IMPDH1: variants seen among roughly 807,000 people sequenced by gnomAD.
IMPDH1 encodes inosine monophosphate dehydrogenase 1, also known as inosine-5'-monophosphate dehydrogenase 1.
In IMPDH1, 41 loss-of-function variants were observed where a neutral mutation model predicts 73.5. The ratio of observed to expected loss-of-function variants is 0.56; its 90% CI spans 0.43 to 0.72. The LOEUF is 0.72. Among genes scored for constraint, IMPDH1 ranks in the 30% least tolerant of loss-of-function variants. The pLI is 0.00. For missense variants in IMPDH1, 645 were observed against 824.8 expected (o/e 0.78, Z 2.67); for synonymous variants, 318 against 334.3 (o/e 0.95, Z 0.53).
chr7:128,401,002 G>A lies in IMPDH1; in HGVS notation c.504+13C>T, dbSNP rs1798297230. 6.2e-7 allele frequency: 1 copy of A among 1,608,890 alleles called. No individual in the cohort carries two copies. Among genetic ancestry groups the A allele is most frequent in the African/African-American group, 1.3e-5 (1 of 74,820 alleles). ...TGTGTGCCCTGGAGTCCCCATGCAG[G>A]TGTGTAACTCACAGCCATGGCAATG... On this transcript the variant is annotated intron_variant, in intron 6 of 16. Transcript: ENST00000338791.
At chr7:128,408,794 A>G (rs550848774) in intron 3 of IMPDH1, among the ~76,000 whole-genome samples, 3 of 152,178 alleles carry the variant, frequency 2.0e-5, no homozygotes, top group Non-Finnish European at 4.4e-5. Flanking sequence ...TTTCTAGGAC[A>G]GGAGAAAGGC....
chr7:128,396,735 G>C lies in IMPDH1; in HGVS notation c.1166-40C>G. On this transcript the variant is annotated intron_variant, in intron 11 of 16. Transcript: ENST00000338791. This position sits in a 1 kb window ranked among gnomAD's most constrained non-coding sequence, Gnocchi z 4.0. ...GGGGCAGAGGAACAATGTGAGGATG[G>C]GATGCCCCTGCCTGCCCAACAGCCT... is the stretch of plus-strand genomic sequence containing the variant. 1 of 1,496,456 alleles carries C rather than the reference G, an allele frequency of 6.7e-7. No individual in the cohort carries two copies. The highest frequency in any genetic ancestry group is 9.1e-7 in the Non-Finnish European group (1 of 1,097,496). 92.7% of individuals were successfully genotyped at this position (1,496,456 alleles called of 1,614,324 possible).
rs756093672 is a variant in IMPDH1 at position 128,398,425 on chromosome 7, C to T, written c.1063G>A (p.Val355Ile). Reference sequence around the variant, plus strand: ...GGCGGGGGCCTTACCAAGACTATGACGTCGACGCCCGCCTGGGTGAGCAGG... The same window carrying T: ...GGCGGGGGCCTTACCAAGACTATGATGTCGACGCCCGCCTGGGTGAGCAGG... The part of the protein sequence containing the change: ...LDLLTQAGVD[V>I]IVLDSSQGNS... The change falls in exon 10 of 17, where the codon GTC becomes ATC. Residue 355 changes from valine to isoleucine, a missense_variant. Val to Ile is a conservative substitution (Grantham distance 29, BLOSUM62 3). Coordinates refer to ENST00000338791, the MANE Select transcript of IMPDH1 (RefSeq NM_000883.4). This position sits in a 1 kb window ranked among gnomAD's most constrained non-coding sequence, Gnocchi z 4.3. 11 of 1,613,042 alleles carry T rather than the reference C, an allele frequency of 6.8e-6. No homozygotes were observed. Among genetic ancestry groups the T allele is most frequent in the Non-Finnish European group, 9.3e-6 (11 of 1,179,780 alleles).
At chr7:128,404,097 T>C (rs1413626024) in intron 4 of IMPDH1, among the ~76,000 whole-genome samples, 1 of 152,178 alleles carries the variant, frequency 6.6e-6, no homozygotes, top group Non-Finnish European at 1.5e-5. Flanking sequence ...GTGCCTGCCT[T>C]TGAAAACTTC....
At position 128,405,756 on chromosome 7, in the gene IMPDH1, C is replaced by A. The variant is rs758564571; in HGVS notation, c.353+11G>T. ...ATGCGCGCACCTAGGGGTACGAGACCCGGCGCTTACTTGTAGGTGAGGCCG... is the reference window on the plus strand; with the variant it reads ...ATGCGCGCACCTAGGGGTACGAGACACGGCGCTTACTTGTAGGTGAGGCCG... On this transcript the variant is annotated intron_variant, in intron 4 of 16. Transcript: ENST00000338791. 2.0e-6 allele frequency: 3 copies of A among 1,534,658 alleles called. No homozygotes were observed. The African/African-American group carries it at 4.2e-5, about 22-fold the overall frequency.
At chr7:128,405,910 C>A in intron 3 of IMPDH1, 45 bp from the exon 4 acceptor site, 1 of 1,470,656 alleles carries the variant, frequency 6.8e-7, no homozygotes. Context: ...CGCGCGGCCG[C>A]CCGCCGCTGC....
intron 3 of IMPDH1, among the ~76,000 whole-genome samples, chr7:128,408,747 T>C (rs1798942666): frequency 6.6e-6 from 1 of 152,132 alleles, no homozygotes; most frequent in Non-Finnish European, 1.5e-5. Flanking sequence ...CTGTGGCCCC[T>C]CCCTATCGCC....
intron 13 of IMPDH1, 48 bp from the exon 14 acceptor site, chr7:128,395,081 C>G: frequency 6.2e-7 from 1 of 1,613,954 alleles, no homozygotes; most frequent in Non-Finnish European, 8.5e-7. Context: ...GTGCCACCCC[C>G]CCAGCTTCCA....
chr7:128,407,466 G>T (rs1798851355), intron 3 of IMPDH1, among the ~76,000 whole-genome samples: 1 of 152,206 alleles, frequency 6.6e-6, no homozygotes, highest in African/African-American at 2.4e-5. Flanking sequence ...GGCCACATGG[G>T]GGACCAGGGG....
At chr7:128,405,928 G>GCTGCTGCTGCTA (rs1798709167) in intron 3 of IMPDH1, 63 bp from the exon 4 acceptor site, 1 of 1,430,904 alleles carries the variant, frequency 7.0e-7, no homozygotes, top group African/African-American at 1.5e-5. Flanking sequence ...TGCCGCCGCT[G>GCTGCTGCTGCTA]CTGCTGCTGC....
intron 3 of IMPDH1, among the ~76,000 whole-genome samples, chr7:128,408,122 C>A (rs1049386202): frequency 6.6e-6 from 1 of 152,166 alleles, no homozygotes; most frequent in Non-Finnish European, 1.5e-5. Context: ...GCCTCCGAAG[C>A]CGAGGAAGGG....
Position 128,409,795 on chromosome 7 carries a change from T to C in IMPDH1, c.107A>G (p.Tyr36Cys), listed in dbSNP as rs1382724725. ...GCCGGCCTGCAGCAGTCGGGCGCTG[T>C]ACCGCTGCGCCGCCGTCTCGTGTCC... ...HPGHETAAQR[Y>C]SARLLQAGYE... is the part of the protein sequence containing the mutation. Residue 36 changes from tyrosine (Y) to cysteine (C), a missense_variant, in exon 1 of 17, where the codon TAC becomes TGC. Coordinates refer to ENST00000338791, the MANE Select transcript of IMPDH1 (RefSeq NM_000883.4). 1 of 1,504,716 alleles carries C rather than the reference T, an allele frequency of 6.6e-7. No individual in the cohort carries two copies. The highest frequency in any genetic ancestry group is 8.8e-7 in the Non-Finnish European group (1 of 1,134,388). 93.2% of individuals were successfully genotyped at this position (1,504,716 alleles called of 1,614,324 possible). A position where few individuals can be genotyped will look rare whatever the true frequency, so the allele number is the denominator to read the frequency against.
chr7:128,396,580 G>A lies in IMPDH1; in HGVS notation c.1261+20C>T, dbSNP rs1797930660. The A allele has an allele frequency of 2.0e-6, 3 of 1,534,656 alleles. No individual in the cohort carries two copies. The highest frequency in any genetic ancestry group is 2.6e-6 in the Non-Finnish European group (3 of 1,132,830). On this transcript the variant is annotated intron_variant, in intron 12 of 16. Transcript: ENST00000338791. The surrounding 1 kb of genome is among the most constrained non-coding windows in gnomAD (Gnocchi z 4.0). The stretch of plus-strand genomic sequence containing the variant: ...GAGGCCCCGGGGCCAGCGGGCACTC[G>A]CTCACCTCCTGACACCCACCTTCCT...
At chr7:128,406,181 G>A (rs1335807753) in intron 3 of IMPDH1, among the ~76,000 whole-genome samples, 3 of 33,696 alleles carry the variant, frequency 8.9e-5, no homozygotes, top group East Asian at 9.6e-4. Flanking sequence ...AGCCCGGACC[G>A]GGTAGGAGGT....
chr7:128,394,280 G>A lies in IMPDH1; in HGVS notation c.1776C>T (p.His592=), dbSNP rs1247857102. The change falls in exon 16 of 17, where the codon CAC becomes CAT. Residue 592 remains histidine (H), a splice_region_variant and synonymous_variant. Coordinates refer to ENST00000338791, the MANE Select transcript of IMPDH1 (RefSeq NM_000883.4). This position sits in a 1 kb window ranked among gnomAD's most constrained non-coding sequence, Gnocchi z 5.5. ...AQIEGGVHGL[H]SYEKRLY is the part of the protein sequence containing the mutation. ...AGCAAGGAGGCCACCACACTTACGA[G>A]TGCAGGCCATGGACACCACCCTCAA... The A allele has an allele frequency of 1.9e-6, 3 of 1,613,534 alleles. No individual in the cohort carries two copies. Among genetic ancestry groups the A allele is most frequent in the Non-Finnish European group, 2.5e-6 (3 of 1,179,564 alleles).
At chr7:128,408,159 G>A (rs913757231) in intron 3 of IMPDH1, among the ~76,000 whole-genome samples, 3 of 152,190 alleles carry the variant, frequency 2.0e-5, no homozygotes, top group Non-Finnish European at 4.4e-5. Context: ...CCCCCACCTA[G>A]CAGCTGTGGG....
chr7:128,407,145 T>C (rs929867818), intron 3 of IMPDH1, among the ~76,000 whole-genome samples: 2 of 152,130 alleles, frequency 1.3e-5, no homozygotes, highest in African/African-American at 2.4e-5. Flanking sequence ...CACAGCTCAC[T>C]TGGGGAGAAG....
intron 9 of IMPDH1, 77 bp downstream of exon 9, chr7:128,400,018 T>C: frequency 8.6e-7 from 1 of 1,158,612 alleles, no homozygotes; most frequent in Non-Finnish European, 1.3e-6. Flanking sequence ...GGATAACCTG[T>C]AAGGCTGTGA....
At chr7:128,399,641 T>C (rs895094080) in intron 9 of IMPDH1, among the ~76,000 whole-genome samples, 1 of 151,562 alleles carries the variant, frequency 6.6e-6, no homozygotes, top group Non-Finnish European at 1.5e-5. Flanking sequence ...GAGCTGACAT[T>C]GCGCCACTGT....
Sources: allele counts gnomAD v4.1 joint callset (sites outside exome capture counted in the v4.1 genomes callset), GRCh38; gene constraint gnomAD v4.1.1; non-coding constraint Gnocchi (gnomAD v3.1); transcripts MANE v1.5; gene names NCBI Gene and HGNC (gene_info 2026-07-23, HGNC 2026-07-21).